Variants in GLRA3 observed in about 807,000 individuals in gnomAD.
GLRA3 encodes the protein glycine receptor alpha 3, also known as glycine receptor subunit alpha-3.
GLRA3 carries 44 observed loss-of-function variants against 60.4 expected under a neutral mutation model. That is an observed-to-expected ratio of 0.73 (90% CI 0.57 to 0.94). The LOEUF is 0.94. GLRA3 is among the 40% of genes least tolerant of loss of function. GLRA3 has a pLI of 0.00. For synonymous variants in GLRA3, 223 were observed against 192.9 expected (o/e 1.16, Z -1.29); for missense variants, 508 against 564.6 (o/e 0.90, Z 1.02).
chr4:174,663,938 G>A (rs1217868117), intron 7 of GLRA3, among the ~76,000 whole-genome samples: 3 of 152,036 alleles, frequency 2.0e-5, no homozygotes, highest in African/African-American at 4.8e-5. Flanking sequence ...ATGCCTCCTC[G>A]GTATAACTCT....
chr4:174,811,767 A>G (rs536436090), intron 1 of GLRA3, among the ~76,000 whole-genome samples: 1 of 152,318 alleles, frequency 6.6e-6, no homozygotes, highest in Non-Finnish European at 1.5e-5. Flanking sequence ...CAGTTTGATA[A>G]CGGGTGGATC....
chr4:174,797,851 G>C (rs1739632574), intron 1 of GLRA3, among the ~76,000 whole-genome samples: 1 of 151,738 alleles, frequency 6.6e-6, no homozygotes, highest in Non-Finnish European at 1.5e-5. Context: ...CTGATCCCTG[G>C]TGGTCAAAGC....
In GLRA3 at chr4:174,781,830, A is replaced by C. The variant is rs186750543; in HGVS notation, c.199+6986T>G. On this transcript the variant is annotated intron_variant, in intron 2 of 9. Transcript: ENST00000274093. ...CAATTGTGGCAATAATCAATAGCTTACCAACCAAAAAGAGTCCAGGACCAA... is the reference window on the plus strand; with the variant it reads ...CAATTGTGGCAATAATCAATAGCTTCCCAACCAAAAAGAGTCCAGGACCAA... Among the ~76,000 whole-genome samples the C allele has an allele frequency of 5.8e-4, 88 of 152,352 alleles. 1 individual carries two copies. The South Asian group carries it at 9.9e-3, about 17-fold the overall frequency.
chr4:174,798,623 A>T (rs2111333597), intron 1 of GLRA3, among the ~76,000 whole-genome samples: 1 of 152,300 alleles, frequency 6.6e-6, no homozygotes. Flanking sequence ...ACCATGGAAG[A>T]ATATTTAAAA....
chr4:174,701,257 T>C (rs1036405551), intron 5 of GLRA3, among the ~76,000 whole-genome samples: 39 of 152,160 alleles, frequency 2.6e-4, no homozygotes, highest in African/African-American at 9.2e-4. Context: ...ACAATTATTA[T>C]GCTAAATCTA....
At chr4:174,823,699 T>C (rs983902617) in intron 1 of GLRA3, among the ~76,000 whole-genome samples, 13 of 152,194 alleles carry the variant, frequency 8.5e-5, no homozygotes, top group Non-Finnish European at 1.8e-4. Context: ...AATAATTCCC[T>C]GAAAATGTCC....
At position 174,791,339 on chromosome 4, in the gene GLRA3, C is replaced by T. The variant is rs533405284; in HGVS notation, c.72-2396G>A. Among the ~76,000 whole-genome samples, 4 of 152,170 alleles carry T rather than the reference C, an allele frequency of 2.6e-5. No individual in the cohort carries two copies. The South Asian group carries it at 8.3e-4, about 32-fold the overall frequency. On this transcript the variant is annotated intron_variant, in intron 1 of 9. Transcript: ENST00000274093. The stretch of plus-strand genomic sequence containing the variant: ...AGGAATGGATTCTTCCCCAGAGTTT[C>T]TGGAGGTAGCACGGACCTACTCACA...
At chr4:174,785,610 G>A (rs2111294526) in intron 2 of GLRA3, among the ~76,000 whole-genome samples, 1 of 152,204 alleles carries the variant, frequency 6.6e-6, no homozygotes, top group South Asian at 2.1e-4. Flanking sequence ...TCCAGAGAGG[G>A]CAAACAGATA....
chr4:174,766,820 G>A, intron 3 of GLRA3, 143 bp downstream of exon 3: 2 of 515,818 alleles, frequency 3.9e-6, no homozygotes, highest in Non-Finnish European at 6.9e-6. Context: ...TTACCTGCAG[G>A]TGACTGTAAT....
intron 3 of GLRA3, among the ~76,000 whole-genome samples, chr4:174,731,512 A>T (rs186259428): frequency 6.8e-4 from 104 of 152,350 alleles, no homozygotes; most frequent in African/African-American, 2.2e-3. Context: ...GCTACTCAAG[A>T]AGGCAACTTG....
At chr4:174,680,923 C>A (rs1020663922) in intron 6 of GLRA3, among the ~76,000 whole-genome samples, 29 of 152,078 alleles carry the variant, frequency 1.9e-4, no homozygotes, top group African/African-American at 7.0e-4. Context: ...TATGTGGTAT[C>A]TAGGCCTATT....
intron 5 of GLRA3, among the ~76,000 whole-genome samples, chr4:174,693,616 T>C (rs1034724778): frequency 6.6e-6 from 1 of 152,198 alleles, no homozygotes; most frequent in Non-Finnish European, 1.5e-5. Flanking sequence ...TTGCTTAGGA[T>C]TGCCTTGGCT....
intron 4 of GLRA3, among the ~76,000 whole-genome samples, chr4:174,721,031 G>GTT (rs1554015632): frequency 1.1e-4 from 16 of 151,116 alleles, no homozygotes; most frequent in South Asian, 6.3e-4. Flanking sequence ...GTGTGTGTGT[G>GTT]TGTGTGTGTG....
chr4:174,818,997 C>T (rs1740625720), intron 1 of GLRA3, among the ~76,000 whole-genome samples: 2 of 152,158 alleles, frequency 1.3e-5, no homozygotes, highest in African/African-American at 4.8e-5. Flanking sequence ...CCATCTTTAT[C>T]ACTTATCAGA....
intron 7 of GLRA3, 138 bp downstream of exon 7, chr4:174,676,940 T>C (rs1734144568): frequency 1.7e-6 from 1 of 583,380 alleles, no homozygotes; most frequent in Non-Finnish European, 3.0e-6. Context: ...GTTTTCTGCT[T>C]TGGTTATATA....
chr4:174,699,678 G>A (rs941689155), intron 5 of GLRA3, among the ~76,000 whole-genome samples: 1 of 152,018 alleles, frequency 6.6e-6, no homozygotes, highest in Non-Finnish European at 1.5e-5. Context: ...AGGCATATTA[G>A]TTGAAGTTCT....
chr4:174,664,231 G>C (rs532942823), intron 7 of GLRA3, among the ~76,000 whole-genome samples: 2 of 152,034 alleles, frequency 1.3e-5, no homozygotes, highest in African/African-American at 4.8e-5. Flanking sequence ...CTAATCCATC[G>C]TATCTATCCC....
At chr4:174,721,770 T>G (rs1347814522) in intron 4 of GLRA3, among the ~76,000 whole-genome samples, 1 of 149,820 alleles carries the variant, frequency 6.7e-6, no homozygotes, top group East Asian at 1.9e-4. Flanking sequence ...TGTATATATA[T>G]GTGTGTGTGT....
chr4:174,782,350 C>T (rs2111283010), intron 2 of GLRA3, among the ~76,000 whole-genome samples: 1 of 152,008 alleles, frequency 6.6e-6, no homozygotes, highest in South Asian at 2.1e-4. Context: ...GACAAACCCA[C>T]AGCCAATATC....
Sources: gnomAD v4.1 joint callset for allele counts (sites outside exome capture counted in the v4.1 genomes callset) on GRCh38, gnomAD v4.1.1 for gene constraint, MANE v1.5 for transcripts, NCBI Gene and HGNC (gene_info 2026-07-23, HGNC 2026-07-21) for gene names.